Variants in TTN observed in about 807,000 individuals in gnomAD.
The protein encoded by TTN is titin.
In TTN, 1,525 loss-of-function variants were observed where a neutral mutation model predicts 3,223.0. The observed-to-expected ratio is 0.47, with a 90% CI of 0.45 to 0.49. The LOEUF is 0.49. Among genes scored for constraint, TTN ranks in the 20% least tolerant of loss-of-function variants. The pLI, the probability that TTN is intolerant of heterozygous loss-of-function variation, is 0.00. For synonymous variants in TTN, 14,094 were observed against 15,161.0 expected (o/e 0.93, Z 5.17); for missense variants, 40,786 against 43,424.0 (o/e 0.94, Z 5.40).
chr2:178,570,225 C>A lies in TTN; in HGVS notation c.75907G>T (p.Val25303Leu). The A allele has an allele frequency of 6.2e-7, 1 of 1,613,414 alleles. No homozygotes were observed. Among genetic ancestry groups the A allele is most frequent in the Non-Finnish European group, 8.5e-7 (1 of 1,179,608 alleles). Residue 25303 changes from valine (V) to leucine (L), a missense_variant, in exon 326 of 363, where the codon GTA becomes TTA. Transcript: ENST00000589042. ...GGAGCTTTTGGTGCATCTGGTACTA[C>A]AAATGGATTCTTGGCAACTACTGGC... Reference protein sequence around the residue: ...SEPVVAKNPFVVPDAPKAPEV... With the variant: ...SEPVVAKNPFLVPDAPKAPEV...
chr2:178,597,829 ATTGAAAAT>A lies in TTN; in HGVS notation c.57263-18_57263-11del. On this transcript the variant is annotated splice_polypyrimidine_tract_variant and intron_variant, in intron 293 of 362. Coordinates refer to ENST00000589042, the MANE Select transcript of TTN (RefSeq NM_001267550.2). Reference sequence around the variant, plus strand: ...TGAAGGTCAGGTGAAACTGGAAGCAATTGAAAATTACAAATGTGATTTTTCCCCTTCAA... The same window carrying A: ...TGAAGGTCAGGTGAAACTGGAAGCAATACAAATGTGATTTTTCCCCTTCAA... 1 of 1,612,766 alleles carries A rather than the reference ATTGAAAAT, an allele frequency of 6.2e-7. No individual in the cohort carries two copies. Among genetic ancestry groups the A allele is most frequent in the Non-Finnish European group, 8.5e-7 (1 of 1,179,450 alleles).
rs1349466376 is a variant in TTN at position 178,549,776 on chromosome 2, C to T, written c.91946G>A (p.Cys30649Tyr). Reference sequence around the variant, plus strand: ...AATGATGTAGTGGGTTATGGGAGCACAACCGTCATTGAGTGGGGCATCCCA... The same window carrying T: ...AATGATGTAGTGGGTTATGGGAGCATAACCGTCATTGAGTGGGGCATCCCA... ...LWWDAPLNDG[C>Y]APITHYIIEK... Residue 30649 changes from cysteine (C) to tyrosine (Y), a missense_variant, in exon 338 of 363, where the codon TGT (cysteine) becomes TAT (tyrosine). Cys to Tyr is a radical substitution (Grantham distance 194). Transcript: ENST00000589042. 1.2e-6 allele frequency: 2 copies of T among 1,612,836 alleles called. No homozygotes were observed. The highest frequency in any genetic ancestry group is 1.7e-6 in the Non-Finnish European group (2 of 1,179,102).
In TTN at chr2:178,551,833, A is replaced by G. The variant is rs780689608; in HGVS notation, c.91067T>C (p.Val30356Ala). The change falls in exon 335 of 363, where the codon GTT becomes GCT. Residue 30356 changes from valine to alanine, a missense_variant. Physicochemically the swap from Val to Ala is moderately conservative, Grantham distance 64. Transcript: ENST00000589042. The part of the protein sequence containing the change: ...DAPVYDGGSE[V>A]TGFHVEKKER... Reference sequence around the variant, plus strand: ...TTTCTTTTCAACATGGAATCCAGTAACTTCTGAACCACCATCATAAACTGG... The same window carrying G: ...TTTCTTTTCAACATGGAATCCAGTAGCTTCTGAACCACCATCATAAACTGG... 1 of 1,613,894 alleles carries G rather than the reference A, an allele frequency of 6.2e-7. No homozygotes were observed. The highest frequency in any genetic ancestry group is 2.2e-5 in the East Asian group (1 of 44,866).
intron 250 of TTN, 56 bp from the exon 251 acceptor site, chr2:178,618,909 A>C: frequency 1.3e-6 from 2 of 1,572,702 alleles, no homozygotes; most frequent in Non-Finnish European, 1.7e-6. Context: ...GCCAAGCTAC[A>C]TCATGTTATT....
At chr2:178,746,271 C>A in intron 47 of TTN, 1 of 1,612,120 alleles carries the variant, frequency 6.2e-7, no homozygotes. Context: ...GGAGGCATTT[C>A]AAATACTTCT....
Position 178,799,898 on chromosome 2 carries a change from ACTT to A in TTN, c.593_595del (p.Glu198del), listed in dbSNP as rs771898264. 4.6e-5 allele frequency: 75 copies of A among 1,614,108 alleles called. 1 individual carries two copies. Among genetic ancestry groups the A allele is most frequent in the African/African-American group, 2.3e-4 (17 of 75,028 alleles). ...AATTGTCTTTGTCTTTTTAGCAGGT[ACTT>A]CTTCTTCACCTGTGGGAAGGGAAAG... On this transcript the variant is annotated inframe_deletion, in exon 5 of 363. Transcript: ENST00000589042.
Position 178,582,393 on chromosome 2 carries a change from T to C in TTN, c.66063A>G (p.Ile22021Met). Residue 22021 changes from isoleucine (I) to methionine (M), a missense_variant, in exon 314 of 363, where the codon ATA becomes ATG. Physicochemically the swap from Ile to Met is conservative, Grantham distance 10 (BLOSUM62 1). Coordinates refer to ENST00000589042, the MANE Select transcript of TTN (RefSeq NM_001267550.2). ...PITSCSVEKL[I>M]EGHEYQFRIC... ...TACGGAACTGATACTCATGGCCCTC[T>C]ATAAGTTTCTCCACGCTGCAGCTGG... 3.7e-6 allele frequency: 6 copies of C among 1,612,940 alleles called. No individual in the cohort carries two copies. The South Asian group carries it at 5.5e-5, about 15-fold the overall frequency.
intron 223 of TTN, among the ~76,000 whole-genome samples, chr2:178,638,725 C>T (rs1240548370): frequency 1.3e-5 from 2 of 151,780 alleles, no homozygotes; most frequent in Non-Finnish European, 2.9e-5. Context: ...CCACCACCGC[C>T]CCCGCTTTAA....
rs2154258577 is a variant in TTN, at chr2:178,663,377, T to C, written c.36617-28A>G. On this transcript the variant is annotated intron_variant, in intron 172 of 362. Coordinates refer to ENST00000589042, the MANE Select transcript of TTN (RefSeq NM_001267550.2). ...TTAAAGATATTAGTATTTTCATTAT[T>C]AGACAAAGTAAAGACAAACAAACAA... is the stretch of plus-strand genomic sequence containing the variant. 3 of 1,604,794 alleles carry C rather than the reference T, an allele frequency of 1.9e-6. 1 individual carries two copies. The highest frequency in any genetic ancestry group is 1.7e-6 in the Non-Finnish European group (2 of 1,177,448).
At position 178,557,980 on chromosome 2, in the gene TTN, G is replaced by A. The variant is rs762768301; in HGVS notation, c.87374C>T (p.Thr29125Ile). The change falls in exon 328 of 363, where the codon ACA (threonine) becomes ATA (isoleucine). Residue 29125 changes from threonine to isoleucine, a missense_variant. Thr to Ile is a moderately conservative substitution (Grantham distance 89, BLOSUM62 -1). Coordinates refer to ENST00000589042, the MANE Select transcript of TTN (RefSeq NM_001267550.2). ...AACAATGTTAATGAAAGCTTTGGTT[G>A]TACCACTGGAGTTGGCAGCAGTGAT... Reference protein sequence around the residue: ...YEITAANSSGTTKAFINIVVL... With the variant: ...YEITAANSSGITKAFINIVVL... 6 of 1,613,418 alleles carry A rather than the reference G, an allele frequency of 3.7e-6. No homozygotes were observed. The African/African-American group carries it at 5.3e-5, about 14-fold the overall frequency.
intron 304 of TTN, 102 bp from the exon 305 acceptor site, chr2:178,588,321 T>A: frequency 8.3e-7 from 1 of 1,201,344 alleles, no homozygotes; most frequent in South Asian, 1.9e-5. Context: ...TCATCCAATT[T>A]TTCAATTAGT....
At chr2:178,541,658 T>A in intron 349 of TTN, 74 bp from the exon 350 acceptor site, 1 of 1,371,528 alleles carries the variant, frequency 7.3e-7, no homozygotes, top group Non-Finnish European at 9.6e-7. Context: ...ATTTGTGTTT[T>A]CCTTAGGTTT....
rs773186045 is a variant in TTN at position 178,542,772 on chromosome 2, A to T, written c.97082T>A (p.Val32361Glu). Residue 32361 changes from valine (V) to glutamate (E), a missense_variant, in exon 348 of 363, where the codon GTA becomes GAA. Val to Glu is a moderately radical substitution (Grantham distance 121). Coordinates refer to ENST00000589042, the MANE Select transcript of TTN (RefSeq NM_001267550.2). ...ERVTVETHTK[V>E]AKLTIRETTI... The stretch of plus-strand genomic sequence containing the variant: ...GGTTTCACGGATGGTTAATTTAGCT[A>T]CTTTAGTGTGAGTTTCAACTGTGAC... The T allele has an allele frequency of 5.0e-6, 8 of 1,613,644 alleles. No individual in the cohort carries two copies. The highest frequency in any genetic ancestry group is 5.9e-6 in the Non-Finnish European group (7 of 1,179,768).
rs577669871 is a variant in TTN at position 178,549,781 on chromosome 2, G to A, written c.91941C>T (p.Asp30647=). The A allele has an allele frequency of 8.1e-6, 13 of 1,612,064 alleles. No homozygotes were observed. Among genetic ancestry groups the A allele is most frequent in the African/African-American group, 1.3e-5 (1 of 75,014 alleles). ...TGTAGTGGGTTATGGGAGCACAACC[G>A]TCATTGAGTGGGGCATCCCACCACA... ...MTLWWDAPLN[D]GCAPITHYII... Residue 30647 remains aspartate, a synonymous_variant, in exon 338 of 363, where the codon GAC becomes GAT. Transcript: ENST00000589042.
rs752876499 is a variant in TTN, at chr2:178,575,163, C to T, written c.70969G>A (p.Val23657Met). The change falls in exon 326 of 363, where the codon GTG becomes ATG. Residue 23657 changes from valine to methionine, a missense_variant. Transcript: ENST00000589042. The surrounding 1 kb of genome is among the most constrained non-coding windows in gnomAD (Gnocchi z 4.0). ...AGDNIKVEIPVLGRPKPTVTW... is the reference protein window; with the variant it reads ...AGDNIKVEIPMLGRPKPTVTW... ...ACTGTGGGCTTCGGTCGACCGAGCACTGGAATTTCAACTTTGATGTTGTCA... is the reference window on the plus strand; with the variant it reads ...ACTGTGGGCTTCGGTCGACCGAGCATTGGAATTTCAACTTTGATGTTGTCA... 1.9e-6 allele frequency: 3 copies of T among 1,612,602 alleles called. No individual in the cohort carries two copies. In the South Asian group the frequency reaches 3.3e-5, roughly 18 times the overall value.
Position 178,545,687 on chromosome 2 carries a change from G to T in TTN, c.95423C>A (p.Pro31808Gln). ...PIVARNSFTIPSPPGIPEEVG... is the reference protein window; with the variant it reads ...PIVARNSFTIQSPPGIPEEVG... ...TTCTTCAGGTATGCCGGGTGGTGATGGAATAGCTGTTTATGAAAATAAGGA... is the reference window on the plus strand; with the variant it reads ...TTCTTCAGGTATGCCGGGTGGTGATTGAATAGCTGTTTATGAAAATAAGGA... The change falls in exon 344 of 363, where the codon CCA becomes CAA. Residue 31808 changes from proline (P) to glutamine (Q), a missense_variant. By Grantham distance (76) the Pro-to-Gln change is moderately conservative (BLOSUM62 -1). Transcript: ENST00000589042. The T allele has an allele frequency of 6.2e-7, 1 of 1,610,836 alleles. No individual in the cohort carries two copies. Among genetic ancestry groups the T allele is most frequent in the Non-Finnish European group, 8.5e-7 (1 of 1,177,732 alleles).
rs969641276 is a variant in TTN, at chr2:178,608,030, A to G, written c.52757T>C (p.Ile17586Thr). ...AGCTGGGGGTTCCCATTCTAGTTCA[A>G]TAGTTGTAGAGCTTGTGTCAGTGAC... ...PRVTDTSSTT[I>T]ELEWEPPAFN... Residue 17586 changes from isoleucine (I) to threonine (T), a missense_variant, in exon 276 of 363, where the codon ATT (isoleucine) becomes ACT (threonine). Coordinates refer to ENST00000589042, the MANE Select transcript of TTN (RefSeq NM_001267550.2). The G allele has an allele frequency of 6.2e-7, 1 of 1,612,780 alleles. No homozygotes were observed. Among genetic ancestry groups the G allele is most frequent in the Admixed American group, 1.7e-5 (1 of 59,930 alleles).
At position 178,641,433 on chromosome 2, in the gene TTN, G is replaced by A. The variant is rs367930555; in HGVS notation, c.40559-118C>T. 12 of 594,382 alleles carry A rather than the reference G, an allele frequency of 2.0e-5. No individual in the cohort carries two copies. The African/African-American group carries it at 2.2e-4, about 11-fold the overall frequency. The allele number at this position is 594,382 out of a possible 1,614,324, so 36.8% of individuals were successfully genotyped here. ...AAAATGAAAAAAAGCATGCTACCTA[G>A]CACTCTGGAAAGTAAGCATTTACAC... On this transcript the variant is annotated intron_variant, in intron 219 of 362. Coordinates refer to ENST00000589042, the MANE Select transcript of TTN (RefSeq NM_001267550.2).
intron 163 of TTN, 31 bp from the exon 164 acceptor site, chr2:178,665,822 A>C (rs1275778430): frequency 8.8e-7 from 1 of 1,142,474 alleles, no homozygotes; most frequent in Non-Finnish European, 1.1e-6. Flanking sequence ...TGTACTTTGG[A>C]GTTATGAAGA....
Sources: gnomAD v4.1 joint callset for allele counts (sites outside exome capture counted in the v4.1 genomes callset) on GRCh38, gnomAD v4.1.1 for gene constraint, Gnocchi (gnomAD v3.1) non-coding constraint, MANE v1.5 for transcripts, NCBI Gene and HGNC (gene_info 2026-07-23, HGNC 2026-07-21) for gene names.